Variants in TBC1D16 observed in about 807,000 individuals in gnomAD.
TBC1D16 encodes CTD-2529O21.1.
In TBC1D16, 58 loss-of-function variants were observed where a neutral mutation model predicts 74.7. The observed-to-expected ratio is 0.78, with a 90% CI of 0.63 to 0.97. TBC1D16 has a LOEUF of 0.97. Among genes scored for constraint, TBC1D16 ranks in the 50% least tolerant of loss-of-function variants. The probability of loss-of-function intolerance (pLI) is 0.00; values close to 1 mark genes in which losing one functional copy is unlikely to be tolerated. For synonymous variants in TBC1D16, 493 were observed against 474.7 expected, an observed-to-expected ratio of 1.04 and a Z score of -0.50; for missense variants, 1,014 against 1,079.5, an observed-to-expected ratio of 0.94 and a Z score of 0.85.
rs537495265 is a variant in TBC1D16, at chr17:79,947,170, C to T, written c.1728+475G>A. On this transcript the variant is annotated intron_variant, in intron 9 of 11. Transcript: ENST00000310924. The stretch of plus-strand genomic sequence containing the variant: ...TGACGGGAGAGGTGTCAGCAGGGCA[C>T]CCCAGGGGAGGGGTGGGGTGTGAGG... 7.2e-5 allele frequency among the ~76,000 whole-genome samples: 11 copies of T among 152,240 alleles called. No individual in the cohort carries two copies. In the East Asian group the frequency reaches 2.1e-3, roughly 29 times the overall value.
rs1283686794 is a variant in TBC1D16 at position 79,979,108 on chromosome 17, C to A, written c.780-26290G>T. Among the ~76,000 whole-genome samples, 1 of 152,250 alleles carries A rather than the reference C, an allele frequency of 6.6e-6. No homozygotes were observed. The highest frequency in any genetic ancestry group is 1.5e-5 in the Non-Finnish European group (1 of 68,042). Reference sequence around the variant, plus strand: ...TTCTAAACCAAAGCGCCCTCGTGGGCTCCACGCTCTCAGCCTGTCCATCAG... The same window carrying A: ...TTCTAAACCAAAGCGCCCTCGTGGGATCCACGCTCTCAGCCTGTCCATCAG... On this transcript the variant is annotated intron_variant, in intron 3 of 11. Transcript: ENST00000310924. This position sits in a 1 kb window ranked among gnomAD's most constrained non-coding sequence, Gnocchi z 4.8.
Position 79,983,939 on chromosome 17 carries a change from T to C in TBC1D16, c.779+26221A>G, listed in dbSNP as rs963746958. Among the ~76,000 whole-genome samples, 10 of 152,242 alleles carry C rather than the reference T, an allele frequency of 6.6e-5. No individual in the cohort carries two copies. In the East Asian group the frequency reaches 1.9e-3, roughly 29 times the overall value. On this transcript the variant is annotated intron_variant, in intron 3 of 11. Coordinates refer to ENST00000310924, the MANE Select transcript of TBC1D16 (RefSeq NM_019020.4). This position sits in a 1 kb window ranked among gnomAD's most constrained non-coding sequence, Gnocchi z 5.6. ...TGGAGTGCAGGGGTATGATCTCGGC[T>C]TACTGCAGCCTTGATCTCCCAGGCT...
Position 79,950,566 on chromosome 17 carries a change from C to A in TBC1D16, c.1102G>T (p.Asp368Tyr), listed in dbSNP as rs367699774. The change falls in exon 6 of 12, where the codon GAT becomes TAT. Residue 368 changes from aspartate (D) to tyrosine (Y), a missense_variant. By Grantham distance (160) the Asp-to-Tyr change is radical (BLOSUM62 -3). Coordinates refer to ENST00000310924, the MANE Select transcript of TBC1D16 (RefSeq NM_019020.4). This position sits in a 1 kb window ranked among gnomAD's most constrained non-coding sequence, Gnocchi z 4.6. Reference protein sequence around the residue: ...MQLKDQQVAPDKTCMQFSIRR... With the variant: ...MQLKDQQVAPYKTCMQFSIRR... ...ATGGAGAACTGCATGCATGTCTTAT[C>A]GGGGGCGACCTGCTGGACGGGAGGA... The A allele has an allele frequency of 1.2e-6, 2 of 1,612,258 alleles. No homozygotes were observed. Among genetic ancestry groups the A allele is most frequent in the Non-Finnish European group, 1.7e-6 (2 of 1,179,592 alleles).
Position 79,944,218 on chromosome 17 carries a change from G to A in TBC1D16, c.1908+690C>T. 7.1e-7 allele frequency: 1 copy of A among 1,410,750 alleles called. No individual in the cohort carries two copies. Among genetic ancestry groups the A allele is most frequent in the Non-Finnish European group, 9.7e-7 (1 of 1,035,808 alleles). The allele number at this position is 1,410,750 out of a possible 1,614,324, so 87.4% of individuals were successfully genotyped here. ...GGAGGCTGCTGGAGCTGCCGTGGTG[G>A]ATAGAGCCAGCTCCTGCAAAAGGGT... On this transcript the variant is annotated intron_variant, in intron 10 of 11. Coordinates refer to ENST00000310924, the MANE Select transcript of TBC1D16 (RefSeq NM_019020.4). The surrounding 1 kb of genome is among the most constrained non-coding windows in gnomAD (Gnocchi z 7.7).
chr17:80,020,267 A>G (rs1266811466), intron 1 of TBC1D16, among the ~76,000 whole-genome samples: 12 of 149,792 alleles, frequency 8.0e-5, no homozygotes, highest in Admixed American at 7.9e-4. Context: ...TAGCAAACAA[A>G]TATACCACAT....
chr17:79,996,545 G>A (rs556934817), intron 3 of TBC1D16, among the ~76,000 whole-genome samples: 4 of 152,184 alleles, frequency 2.6e-5, no homozygotes, highest in East Asian at 3.9e-4. Context: ...AGTGTAAAAC[G>A]GCCCAGCCAC....
rs1205093142 is a variant in TBC1D16, at chr17:80,008,279, G to A, written c.779+1881C>T. On this transcript the variant is annotated intron_variant, in intron 3 of 11. Transcript: ENST00000310924. The surrounding 1 kb of genome is among the most constrained non-coding windows in gnomAD (Gnocchi z 4.5). ...GCCTCATCTTACAAACAGGGAAACC[G>A]AGGCTCCAAGAAAAGAAAGAATTTC... Among the ~76,000 whole-genome samples, 3 of 152,118 alleles carry A rather than the reference G, an allele frequency of 2.0e-5. No homozygotes were observed. The highest frequency in any genetic ancestry group is 7.2e-5 in the African/African-American group (3 of 41,400).
At chr17:80,025,356 A>C (rs913460241) in intron 1 of TBC1D16, among the ~76,000 whole-genome samples, 2 of 149,870 alleles carry the variant, frequency 1.3e-5, no homozygotes, top group Non-Finnish European at 2.9e-5. Context: ...CCGGGGCCGC[A>C]GGAGCCTCCC....
intron 1 of TBC1D16, among the ~76,000 whole-genome samples, chr17:80,023,529 G>GATTGA (rs2036359757): frequency 6.7e-6 from 1 of 150,148 alleles, no homozygotes; most frequent in Non-Finnish European, 1.5e-5. Context: ...GCTTCGTGTG[G>GATTGA]CCACTGCTGA....
At chr17:80,006,226 T>TTC (rs113353447) in intron 3 of TBC1D16, among the ~76,000 whole-genome samples, 26,727 of 148,824 alleles carry the variant, frequency 0.18, 2,399 homozygotes, top group Non-Finnish European at 0.21. Flanking sequence ...CTCTCTTTCT[T>TTC]TCTCTCTCTC....
rs905949402 is a variant in TBC1D16 at position 80,007,062 on chromosome 17, G to A, written c.779+3098C>T. Among the ~76,000 whole-genome samples the A allele has an allele frequency of 6.6e-6, 1 of 152,224 alleles. No individual in the cohort carries two copies. ...TTGCACTGAAGCACACGCTTCTGGC[G>A]GGGTGGGGAGAGTCCCATCCACATC... is the stretch of plus-strand genomic sequence containing the variant. On this transcript the variant is annotated intron_variant, in intron 3 of 11. Coordinates refer to ENST00000310924, the MANE Select transcript of TBC1D16 (RefSeq NM_019020.4). The surrounding 1 kb of genome is among the most constrained non-coding windows in gnomAD (Gnocchi z 4.5).
At position 79,940,862 on chromosome 17, in the gene TBC1D16, T is replaced by G. The variant is rs777014672; in HGVS notation, c.2301A>C (p.Arg767Ser). The part of the protein sequence containing the change: ...KTPQDGFGFR[R>S] ...TGTCCGGTGTCGGGGGCCCGACCTATCTGCGGAAGCCGAAGCCGTCCTGCG... is the reference window on the plus strand; with the variant it reads ...TGTCCGGTGTCGGGGGCCCGACCTAGCTGCGGAAGCCGAAGCCGTCCTGCG... Residue 767 changes from arginine to serine, a missense_variant, in exon 12 of 12, where the codon AGA (arginine) becomes AGC (serine). Physicochemically the swap from Arg to Ser is moderately radical, Grantham distance 110. Transcript: ENST00000310924. This position sits in a 1 kb window ranked among gnomAD's most constrained non-coding sequence, Gnocchi z 5.4. 1.3e-6 allele frequency: 2 copies of G among 1,541,216 alleles called. No individual in the cohort carries two copies. The highest frequency in any genetic ancestry group is 3.6e-5 in the Admixed American group (2 of 55,146).
intron 1 of TBC1D16, among the ~76,000 whole-genome samples, chr17:80,034,449 G>A (rs1016923208): frequency 3.9e-5 from 6 of 152,136 alleles, no homozygotes; most frequent in Admixed American, 6.5e-5. Context: ...TGATCCGCTC[G>A]CCTCGTCCTC....
At chr17:79,982,787 G>A (rs889755788) in intron 3 of TBC1D16, among the ~76,000 whole-genome samples, 3 of 152,040 alleles carry the variant, frequency 2.0e-5, no homozygotes, top group Non-Finnish European at 4.4e-5. Flanking sequence ...TGAACCCAGG[G>A]GGCGGAGATT....
At chr17:79,977,041 G>A (rs997324208) in intron 3 of TBC1D16, among the ~76,000 whole-genome samples, 1 of 152,198 alleles carries the variant, frequency 6.6e-6, no homozygotes, top group Non-Finnish European at 1.5e-5. Context: ...GAGGAAGGGA[G>A]GAATAAAATC....
rs1244362491 is a variant in TBC1D16 at position 80,009,836 on chromosome 17, A to G, written c.779+324T>C. On this transcript the variant is annotated intron_variant, in intron 3 of 11. Coordinates refer to ENST00000310924, the MANE Select transcript of TBC1D16 (RefSeq NM_019020.4). This position sits in a 1 kb window ranked among gnomAD's most constrained non-coding sequence, Gnocchi z 5.4. ...GGTGATGGGAACAGAAGGGACCAGG[A>G]CTCCCGGGGGCTTAGCCTTGGTCAT... is the stretch of plus-strand genomic sequence containing the variant. Among the ~76,000 whole-genome samples, 1 of 151,858 alleles carries G rather than the reference A, an allele frequency of 6.6e-6. No individual in the cohort carries two copies. The highest frequency in any genetic ancestry group is 1.5e-5 in the Non-Finnish European group (1 of 67,950).
chr17:80,030,962 A>G (rs1323314511), intron 1 of TBC1D16, among the ~76,000 whole-genome samples: 2 of 152,226 alleles, frequency 1.3e-5, no homozygotes, highest in Admixed American at 1.3e-4. Flanking sequence ...GCGACACCTT[A>G]TTAAACACGA....
At chr17:79,965,751 C>T (rs1035332639) in intron 3 of TBC1D16, among the ~76,000 whole-genome samples, 20 of 152,208 alleles carry the variant, frequency 1.3e-4, no homozygotes, top group African/African-American at 3.9e-4. Context: ...GAAAAGAAGA[C>T]AACACTCTAA....
At position 79,981,299 on chromosome 17, in the gene TBC1D16, G is replaced by A. The variant is rs1022070086; in HGVS notation, c.780-28481C>T. On this transcript the variant is annotated intron_variant, in intron 3 of 11. Coordinates refer to ENST00000310924, the MANE Select transcript of TBC1D16 (RefSeq NM_019020.4). This position sits in a 1 kb window ranked among gnomAD's most constrained non-coding sequence, Gnocchi z 6.9. The stretch of plus-strand genomic sequence containing the variant: ...GCAAACCAGGACTGGGGCCCTGGCC[G>A]ACAGAAAATTCTTAGAGCAAAATGG... Among the ~76,000 whole-genome samples, 18 of 152,158 alleles carry A rather than the reference G, an allele frequency of 1.2e-4. No individual in the cohort carries two copies. The highest frequency in any genetic ancestry group is 2.0e-4 in the Admixed American group (3 of 15,272).
Sources: allele counts gnomAD v4.1 joint callset (sites outside exome capture counted in the v4.1 genomes callset), GRCh38; gene constraint gnomAD v4.1.1; non-coding constraint Gnocchi (gnomAD v3.1); transcripts MANE v1.5; gene names NCBI Gene and HGNC (gene_info 2026-07-23, HGNC 2026-07-21).